EPB41L4A: variants seen among roughly 807,000 people sequenced by gnomAD.
EPB41L4A encodes the protein band 4.1-like protein 4A.
Under a neutral mutation model 108.6 loss-of-function variants are expected in EPB41L4A, and 100 were observed. The ratio of observed to expected loss-of-function variants is 0.92; its 90% CI spans 0.78 to 1.09. EPB41L4A has a LOEUF of 1.09. EPB41L4A is among the 50% of genes least tolerant of loss of function. The pLI is 0.00. For synonymous variants in EPB41L4A, 319 were observed against 289.0 expected (o/e 1.10, Z -1.05); for missense variants, 1,030 against 842.7 (o/e 1.22, Z -2.75).
chr5:112,207,241 T>G lies in EPB41L4A; in HGVS notation c.1179-1737A>C, dbSNP rs113158747. ...CCAGTCATATGCAGAAGAGTGAAAC[T>G]GGACCTCTTCCTTTTACTATATTCA... On this transcript the variant is annotated intron_variant, in intron 13 of 22. Transcript: ENST00000261486. Among the ~76,000 whole-genome samples, 4 of 152,330 alleles carry G rather than the reference T, an allele frequency of 2.6e-5. 1 individual carries two copies. The highest frequency in any genetic ancestry group is 9.6e-5 in the African/African-American group (4 of 41,568).
chr5:112,207,483 G>C (rs917029793), intron 13 of EPB41L4A, among the ~76,000 whole-genome samples: 3 of 152,124 alleles, frequency 2.0e-5, no homozygotes, highest in African/African-American at 7.2e-5. Context: ...AGAGTAAACA[G>C]ACAATCTACA....
intron 1 of EPB41L4A, among the ~76,000 whole-genome samples, chr5:112,336,822 T>TG (rs980511434): frequency 6.6e-6 from 1 of 152,224 alleles, no homozygotes. Context: ...TAGAGGTATT[T>TG]GGGGTCAATT....
chr5:112,367,781 T>G (rs891075588), intron 1 of EPB41L4A, among the ~76,000 whole-genome samples: 5 of 150,728 alleles, frequency 3.3e-5, no homozygotes, highest in African/African-American at 5.0e-5. Context: ...GAATGACATT[T>G]GCATTTCATT....
At chr5:112,161,452 C>A, downstream of EPB41L4A, 1 of 512,310 alleles carries the variant, frequency 2.0e-6, no homozygotes, top group Non-Finnish European at 3.9e-6. Context: ...CAGTCAGCAA[C>A]CTTATGCCAT....
intron 13 of EPB41L4A, among the ~76,000 whole-genome samples, chr5:112,206,434 G>C (rs1035823581): frequency 3.3e-5 from 5 of 151,308 alleles, no homozygotes; most frequent in African/African-American, 1.2e-4. Context: ...ATAAAATTTT[G>C]TATCTGACAG....
intron 15 of EPB41L4A, among the ~76,000 whole-genome samples, chr5:112,201,317 G>A (rs1762208858): frequency 6.6e-6 from 1 of 152,144 alleles, no homozygotes. Flanking sequence ...CCTGGAATAC[G>A]CCAATGAAAG....
intron 8 of EPB41L4A, among the ~76,000 whole-genome samples, 170 bp from the exon 9 acceptor site, chr5:112,259,462 T>G (rs1210156270): frequency 6.6e-6 from 1 of 152,144 alleles, no homozygotes; most frequent in Non-Finnish European, 1.5e-5. Context: ...TAATGAAAAC[T>G]CCATTCTCAT....
intron 18 of EPB41L4A, among the ~76,000 whole-genome samples, chr5:112,174,542 T>C (rs567779048): frequency 6.6e-6 from 1 of 152,302 alleles, no homozygotes; most frequent in Admixed American, 6.5e-5. Context: ...AGAAATTAGT[T>C]TGATGACACA....
chr5:112,378,619 G>A (rs1473059326), intron 1 of EPB41L4A, among the ~76,000 whole-genome samples: 1 of 152,168 alleles, frequency 6.6e-6, no homozygotes, highest in Non-Finnish European at 1.5e-5. Flanking sequence ...GATCCACTGG[G>A]GTGGAGGGCT....
intron 1 of EPB41L4A, among the ~76,000 whole-genome samples, chr5:112,310,851 C>A (rs983380601): frequency 6.6e-6 from 1 of 152,082 alleles, no homozygotes; most frequent in African/African-American, 2.4e-5. Flanking sequence ...GGCATATGAT[C>A]TGTGGTTTCA....
chr5:112,238,940 T>G (rs1056545046), intron 11 of EPB41L4A, among the ~76,000 whole-genome samples: 1 of 152,214 alleles, frequency 6.6e-6, no homozygotes, highest in African/African-American at 2.4e-5. Flanking sequence ...CCTAGCTGCA[T>G]GACAATCAGG....
exon 14 of EPB41L4A, chr5:112,143,450 T>C (rs1759137448): frequency 6.5e-6 from 1 of 152,922 alleles, no homozygotes; most frequent in African/African-American, 2.4e-5. Context: ...CTTTTTCTAA[T>C]ATTTCTTTCT....
chr5:112,327,627 G>A (rs147385746), intron 1 of EPB41L4A, among the ~76,000 whole-genome samples: 233 of 152,170 alleles, frequency 1.5e-3, no homozygotes, highest in South Asian at 2.3e-3. Flanking sequence ...GGGTTGGGAA[G>A]ATAATTTGAA....
At chr5:112,170,915 A>G in intron 19 of EPB41L4A, 30 bp downstream of exon 19, 2 of 1,602,018 alleles carry the variant, frequency 1.2e-6, no homozygotes, top group African/African-American at 2.7e-5. Context: ...CATGGGTTTT[A>G]AAACAATAAG....
intron 1 of EPB41L4A, among the ~76,000 whole-genome samples, chr5:112,340,183 G>T (rs986501358): frequency 6.6e-6 from 1 of 151,932 alleles, no homozygotes; most frequent in Non-Finnish European, 1.5e-5. Context: ...GGAAGGAAAG[G>T]AAGATCTACC....
At chr5:112,418,673 TG>T (rs1762866239) in intron 1 of EPB41L4A, among the ~76,000 whole-genome samples, 2 of 152,080 alleles carry the variant, frequency 1.3e-5, no homozygotes, top group Non-Finnish European at 2.9e-5. Flanking sequence ...AAAACCGGTT[TG>T]GGGAAGAGTT....
intron 1 of EPB41L4A, 70 bp from the exon 2 acceptor site, chr5:112,307,560 C>T (rs1252403431): frequency 2.0e-6 from 2 of 976,984 alleles, no homozygotes; most frequent in East Asian, 2.5e-5. Flanking sequence ...AGTCATGGTT[C>T]TCATCTTTTA....
chr5:112,314,538 A>AAAAAAAAAAG (rs1561563700), intron 1 of EPB41L4A, among the ~76,000 whole-genome samples: 1 of 111,236 alleles, frequency 9.0e-6, no homozygotes, highest in African/African-American at 3.6e-5. Flanking sequence ...AAAAAAAAAA[A>AAAAAAAAAAG]GAAAAGAAAT....
chr5:112,378,940 G>C (rs1759992041), intron 1 of EPB41L4A, among the ~76,000 whole-genome samples: 1 of 152,120 alleles, frequency 6.6e-6, no homozygotes, highest in South Asian at 2.1e-4. Context: ...CCATTCCACT[G>C]TGATGTGTTC....
Sources: gnomAD v4.1 joint callset for allele counts (sites outside exome capture counted in the v4.1 genomes callset) on GRCh38, gnomAD v4.1.1 for gene constraint, MANE v1.5 for transcripts, NCBI Gene and HGNC (gene_info 2026-07-23, HGNC 2026-07-21) for gene names.